Variants in ABLIM3 observed in about 807,000 individuals in gnomAD.
ABLIM3 encodes the protein actin-binding LIM protein 3.
In ABLIM3, 61 loss-of-function variants were observed where a neutral mutation model predicts 109.5. That is an observed-to-expected ratio of 0.56 (90% CI 0.45 to 0.69). The LOEUF is 0.69. Ranked by LOEUF, ABLIM3 falls within the 30% of genes least tolerant of loss-of-function variation. The pLI, the probability that ABLIM3 is intolerant of heterozygous loss-of-function variation, is 0.00. For synonymous variants in ABLIM3, 300 were observed against 324.8 expected (o/e 0.92, Z 0.82); for missense variants, 796 against 889.5 (o/e 0.89, Z 1.34).
At chr5:149,142,555 G>A (rs1438512094) in intron 2 of ABLIM3, among the ~76,000 whole-genome samples, 1 of 152,174 alleles carries the variant, frequency 6.6e-6, no homozygotes, top group East Asian at 1.9e-4. Flanking sequence ...GGGCTGGGAA[G>A]CCGCAGTTTG....
intron 7 of ABLIM3, 114 bp downstream of exon 7, chr5:149,210,933 C>T: frequency 1.1e-6 from 1 of 947,140 alleles, no homozygotes; most frequent in South Asian, 1.4e-5. Context: ...GCCTTTACCT[C>T]CTCCACCTTT....
chr5:149,181,576 G>T (rs1026458294), intron 2 of ABLIM3, among the ~76,000 whole-genome samples: 1 of 152,206 alleles, frequency 6.6e-6, no homozygotes, highest in African/African-American at 2.4e-5. Flanking sequence ...TCAGAAGCCA[G>T]TTTCAGTGCT....
chr5:149,177,439 AC>A (rs1351148427), intron 2 of ABLIM3, among the ~76,000 whole-genome samples: 2 of 152,214 alleles, frequency 1.3e-5, no homozygotes. Flanking sequence ...CATCCAAAAT[AC>A]AATGCCCTAG....
intron 6 of ABLIM3, 104 bp downstream of exon 6, chr5:149,207,238 C>A: frequency 6.8e-7 from 1 of 1,472,360 alleles, no homozygotes; most frequent in Non-Finnish European, 9.1e-7. Context: ...CCCTTCCTTT[C>A]CGTCTGCTGC....
Position 149,216,916 on chromosome 5 carries a change from A to G in ABLIM3, c.670-43A>G. ...AACCCAATCTGCCCCACTAGACAGCAGCCCTGGCTCTGACCTCCTGTTTCA... is the reference window on the plus strand; with the variant it reads ...AACCCAATCTGCCCCACTAGACAGCGGCCCTGGCTCTGACCTCCTGTTTCA... On this transcript the variant is annotated intron_variant, in intron 7 of 23. Transcript: ENST00000309868. 1.9e-6 allele frequency: 3 copies of G among 1,556,932 alleles called. No individual in the cohort carries two copies. The South Asian group carries it at 3.3e-5, about 17-fold the overall frequency.
chr5:149,239,109 T>A, intron 11 of ABLIM3, 139 bp from the exon 12 acceptor site: 1 of 790,370 alleles, frequency 1.3e-6, no homozygotes, highest in Non-Finnish European at 2.2e-6. Flanking sequence ...CCAGCGAGGC[T>A]GTTATCTGGA....
At chr5:149,203,129 A>G (rs1371046694) in intron 5 of ABLIM3, among the ~76,000 whole-genome samples, 4 of 151,796 alleles carry the variant, frequency 2.6e-5, no homozygotes, top group African/African-American at 9.7e-5. Flanking sequence ...ATCATCACTA[A>G]CATCACCAAC....
intron 7 of ABLIM3, 47 bp downstream of exon 7, chr5:149,210,866 C>G: frequency 6.4e-7 from 1 of 1,558,592 alleles, no homozygotes; most frequent in South Asian, 1.1e-5. Flanking sequence ...GTGATCTGTG[C>G]CTCCAAAAAG....
intron 15 of ABLIM3, 26 bp downstream of exon 15, chr5:149,242,564 G>A (rs751159087): frequency 1.5e-5 from 25 of 1,613,484 alleles, no homozygotes; most frequent in Non-Finnish European, 2.1e-5. Context: ...GATAGGGCTT[G>A]GCCACACAAG....
At chr5:149,183,860 T>C (rs529343871) in intron 3 of ABLIM3, among the ~76,000 whole-genome samples, 174 of 152,200 alleles carry the variant, frequency 1.1e-3, no homozygotes, top group Non-Finnish European at 2.1e-3. Context: ...AACTTACTCA[T>C]CTGAAGAGAC....
intron 3 of ABLIM3, among the ~76,000 whole-genome samples, chr5:149,190,269 C>T (rs1757360906): frequency 1.3e-5 from 2 of 152,130 alleles, no homozygotes; most frequent in African/African-American, 4.8e-5. Context: ...GTGATGAAAA[C>T]GTTCTGGAAT....
At chr5:149,235,999 T>A (rs1762309308) in intron 10 of ABLIM3, among the ~76,000 whole-genome samples, 1 of 152,206 alleles carries the variant, frequency 6.6e-6, no homozygotes, top group Non-Finnish European at 1.5e-5. Context: ...GAGAGAGTCA[T>A]GCCCAGCCCA....
chr5:149,257,079 C>T (rs1022608768), intron 23 of ABLIM3, among the ~76,000 whole-genome samples: 9 of 152,172 alleles, frequency 5.9e-5, no homozygotes, highest in African/African-American at 2.2e-4. Context: ...CTGAGGAGGG[C>T]AGATTGCCTG....
intron 13 of ABLIM3, chr5:149,240,357 A>G: frequency 2.4e-6 from 1 of 423,204 alleles, no homozygotes; most frequent in East Asian, 4.3e-5. Context: ...AGCGTCCAAA[A>G]GGGGGAGGTT....
intron 8 of ABLIM3, among the ~76,000 whole-genome samples, chr5:149,221,417 A>G (rs1760640082): frequency 1.3e-5 from 2 of 152,220 alleles, no homozygotes; most frequent in Non-Finnish European, 2.9e-5. Flanking sequence ...TGGACACAGC[A>G]TGGTACTGGC....
intron 2 of ABLIM3, among the ~76,000 whole-genome samples, chr5:149,145,514 G>A (rs1460397178): frequency 6.6e-6 from 1 of 152,098 alleles, no homozygotes; most frequent in Non-Finnish European, 1.5e-5. Context: ...ATCCAGTAAT[G>A]GGATTGCTAG....
At chr5:149,255,606 G>A (rs921831050) in intron 23 of ABLIM3, among the ~76,000 whole-genome samples, 1 of 152,202 alleles carries the variant, frequency 6.6e-6, no homozygotes, top group Non-Finnish European at 1.5e-5. Flanking sequence ...AAGACTCGAA[G>A]TAGTTGAGGG....
chr5:149,242,671 C>A, intron 15 of ABLIM3, 133 bp downstream of exon 15: 1 of 929,678 alleles, frequency 1.1e-6, no homozygotes. Context: ...TTGTTGACTG[C>A]CCCATCACCC....
At chr5:149,200,911 T>TTGTAAAAATGCAAATGTCTGGGCTCACCC (rs1250064562) in intron 5 of ABLIM3, among the ~76,000 whole-genome samples, 3 of 152,148 alleles carry the variant, frequency 2.0e-5, no homozygotes, top group African/African-American at 7.2e-5. Flanking sequence ...ACTGTGGGAC[T>TTGTAAAAATGCAAATGTCTGGGCTCACCC]TGTAAAAATG....
Sources: allele counts gnomAD v4.1 joint callset (sites outside exome capture counted in the v4.1 genomes callset), GRCh38; gene constraint gnomAD v4.1.1; transcripts MANE v1.5; gene names NCBI Gene and HGNC (gene_info 2026-07-23, HGNC 2026-07-21).